Variants in TMEM178B observed in about 807,000 individuals in gnomAD.
TMEM178B encodes the protein transmembrane protein 178B.
In TMEM178B, 5 loss-of-function variants were observed where a neutral mutation model predicts 31.0. That is an observed-to-expected ratio of 0.16 (90% CI 0.08 to 0.34). The LOEUF (loss-of-function observed/expected upper bound fraction) is 0.34, where lower values mean the gene tolerates loss of function less well. Ranked by LOEUF, TMEM178B falls within the 10% of genes least tolerant of loss-of-function variation. The pLI, the probability that TMEM178B is intolerant of heterozygous loss-of-function variation, is 1.00. For synonymous variants in TMEM178B, 164 were observed against 164.0 expected, an observed-to-expected ratio of 1.00 and a Z score of 0.00; for missense variants, 275 against 400.3, an observed-to-expected ratio of 0.69 and a Z score of 2.67.
chr7:141,113,197 T>C (rs2129175382), intron 1 of TMEM178B, among the ~76,000 whole-genome samples: 1 of 152,326 alleles, frequency 6.6e-6, no homozygotes, highest in East Asian at 1.9e-4. Context: ...CTGGTGCTCT[T>C]AACTCCAAGA....
chr7:141,197,556 A>G (rs1237555322), intron 1 of TMEM178B, among the ~76,000 whole-genome samples: 4 of 152,240 alleles, frequency 2.6e-5, no homozygotes, highest in Admixed American at 1.3e-4. Flanking sequence ...GTGAGTAGAC[A>G]GAGGTATAAA....
At chr7:141,278,785 C>G (rs532456966) in intron 2 of TMEM178B, among the ~76,000 whole-genome samples, 12 of 151,848 alleles carry the variant, frequency 7.9e-5, no homozygotes, top group Non-Finnish European at 1.3e-4. Context: ...TACTGAGGTC[C>G]GTCTAGTTAG....
At chr7:141,215,327 T>G (rs574012791) in intron 2 of TMEM178B, among the ~76,000 whole-genome samples, 1 of 82,376 alleles carries the variant, frequency 1.2e-5, no homozygotes, top group East Asian at 4.2e-4. Flanking sequence ...TTATTATTAT[T>G]ATTATTATTA....
intron 2 of TMEM178B, among the ~76,000 whole-genome samples, chr7:141,321,153 T>C (rs76683630): frequency 0.015 from 2,242 of 152,298 alleles, 34 homozygotes; most frequent in Non-Finnish European, 0.024. Flanking sequence ...GGGTGAGACT[T>C]AGCATCTGGA....
intron 2 of TMEM178B, among the ~76,000 whole-genome samples, chr7:141,276,843 G>A (rs1237288035): frequency 2.6e-5 from 4 of 152,222 alleles, no homozygotes; most frequent in Non-Finnish European, 5.9e-5. Context: ...AACCTGTACA[G>A]CATGTGGCTG....
intron 2 of TMEM178B, among the ~76,000 whole-genome samples, chr7:141,282,745 C>G (rs1488074535): frequency 6.6e-6 from 1 of 152,168 alleles, no homozygotes; most frequent in Non-Finnish European, 1.5e-5. Context: ...CCACATAGGA[C>G]TGTAATCAAG....
chr7:141,285,125 C>A (rs192740058), intron 2 of TMEM178B, among the ~76,000 whole-genome samples: 100 of 147,064 alleles, frequency 6.8e-4, no homozygotes, highest in African/African-American at 2.4e-3. Flanking sequence ...CCTTTTTCTG[C>A]CCCAGGATCC....
chr7:141,266,112 G>A (rs532888966), intron 2 of TMEM178B, among the ~76,000 whole-genome samples: 2 of 152,310 alleles, frequency 1.3e-5, no homozygotes, highest in South Asian at 4.1e-4. Flanking sequence ...TTAGGGACTA[G>A]GAGAGACAAT....
intron 2 of TMEM178B, among the ~76,000 whole-genome samples, chr7:141,245,829 C>T (rs1797721894): frequency 6.6e-6 from 1 of 152,146 alleles, no homozygotes; most frequent in African/African-American, 2.4e-5. Flanking sequence ...GTAAGTTTGT[C>T]CAGTGAATTT....
chr7:141,122,277 G>A (rs1475760820), intron 1 of TMEM178B, among the ~76,000 whole-genome samples: 1 of 152,150 alleles, frequency 6.6e-6, no homozygotes, highest in Non-Finnish European at 1.5e-5. Context: ...CTTGAGGAGG[G>A]ACTTCATAAA....
At chr7:141,309,523 T>A (rs941133159) in intron 2 of TMEM178B, among the ~76,000 whole-genome samples, 1 of 152,210 alleles carries the variant, frequency 6.6e-6, no homozygotes, top group East Asian at 1.9e-4. Flanking sequence ...GGTCTTTTTA[T>A]TATACCTACT....
chr7:141,252,679 G>A (rs952996988), intron 2 of TMEM178B, among the ~76,000 whole-genome samples: 1 of 152,164 alleles, frequency 6.6e-6, no homozygotes, highest in African/African-American at 2.4e-5. Flanking sequence ...CACATCTCCT[G>A]GATATATACA....
chr7:141,272,082 C>T (rs540945159), intron 2 of TMEM178B, among the ~76,000 whole-genome samples: 66 of 152,286 alleles, frequency 4.3e-4, no homozygotes, highest in African/African-American at 1.5e-3. Context: ...CTTCTATGGA[C>T]TCATATAGCT....
chr7:141,253,187 T>A (rs922498756), intron 2 of TMEM178B, among the ~76,000 whole-genome samples: 4 of 152,230 alleles, frequency 2.6e-5, no homozygotes, highest in African/African-American at 9.6e-5. Context: ...AGGGGCAGTA[T>A]CTGCTTCCCC....
At chr7:141,106,898 G>A (rs540406651) in intron 1 of TMEM178B, among the ~76,000 whole-genome samples, 1 of 152,274 alleles carries the variant, frequency 6.6e-6, no homozygotes, top group Non-Finnish European at 1.5e-5. Context: ...TCCCTGTTCT[G>A]CCTGAGCCTA....
At chr7:141,190,265 C>G (rs946041569) in intron 1 of TMEM178B, among the ~76,000 whole-genome samples, 4 of 152,126 alleles carry the variant, frequency 2.6e-5, no homozygotes, top group African/African-American at 9.7e-5. Context: ...GCAAAATCAT[C>G]TAACACAAGG....
chr7:141,497,692 T>G, the TMEM178B span, among the ~76,000 whole-genome samples: 2 of 152,236 alleles, frequency 1.3e-5, no homozygotes, highest in African/African-American at 4.8e-5. Context: ...TCCTCAACCC[T>G]GATTTTCCAT....
chr7:141,102,301 C>G (rs138104478), intron 1 of TMEM178B, among the ~76,000 whole-genome samples: 46 of 152,214 alleles, frequency 3.0e-4, no homozygotes, highest in African/African-American at 1.1e-3. Context: ...TATCTAAAAC[C>G]TTTCTCTTAT....
At chr7:141,123,929 A>G (rs570687686) in intron 1 of TMEM178B, among the ~76,000 whole-genome samples, 20 of 152,128 alleles carry the variant, frequency 1.3e-4, no homozygotes, top group Admixed American at 5.2e-4. Flanking sequence ...TTTTTTTTGT[A>G]TTCTTTGTGG....
Sources: allele counts gnomAD v4.1 joint callset (sites outside exome capture counted in the v4.1 genomes callset), GRCh38; gene constraint gnomAD v4.1.1; transcripts MANE v1.5; gene names NCBI Gene and HGNC (gene_info 2026-07-23, HGNC 2026-07-21).